ELK4: variants seen among roughly 807,000 people sequenced by gnomAD.
ELK4 encodes the protein ETS domain-containing protein Elk-4.
A neutral mutation model predicts 29.6 loss-of-function variants in ELK4; 16 were observed. The observed-to-expected ratio is 0.54, with a 90% CI of 0.37 to 0.82. The LOEUF is 0.82. Ranked by LOEUF, ELK4 falls within the 40% of genes least tolerant of loss-of-function variation. The pLI is 0.00. For missense variants in ELK4, 465 were observed against 507.1 expected (o/e 0.92, Z 0.80); for synonymous variants, 213 against 191.1 (o/e 1.11, Z -0.95).
rs1670151650 is a variant in ELK4 at position 205,611,594 on chromosome 1, C to T, written c.*4952G>A. On this transcript the variant is annotated 3_prime_UTR_variant, in exon 5 of 5. Coordinates refer to ENST00000357992, the MANE Select transcript of ELK4 (RefSeq NM_001973.4). ...AAGAAAGACAACTATGGCTGACCTC[C>T]ACACTTCACTTACACTACTATGGAC... is the stretch of plus-strand genomic sequence containing the variant. 4.9e-6 allele frequency: 1 copy of T among 203,092 alleles called. No homozygotes were observed. The highest frequency in any genetic ancestry group is 6.0e-5 in the Admixed American group (1 of 16,722). 12.6% of individuals were successfully genotyped at this position (203,092 alleles called of 1,614,324 possible).
chr1:205,611,694 G>A lies in ELK4; in HGVS notation c.*4852C>T, dbSNP rs1487858196. On this transcript the variant is annotated 3_prime_UTR_variant, in exon 5 of 5. Transcript: ENST00000357992. ...AGCTTCAGATGACACACTACATCATGAGTAGTATTTTAACTTTCCTATTGG... is the reference window on the plus strand; with the variant it reads ...AGCTTCAGATGACACACTACATCATAAGTAGTATTTTAACTTTCCTATTGG... 5.2e-6 allele frequency: 1 copy of A among 191,972 alleles called. No individual in the cohort carries two copies. Among genetic ancestry groups the A allele is most frequent in the Non-Finnish European group, 1.1e-5 (1 of 91,792 alleles). 11.9% of individuals were successfully genotyped at this position (191,972 alleles called of 1,614,324 possible). A position where few individuals can be genotyped will look rare whatever the true frequency, so the allele number is the denominator to read the frequency against.
chr1:205,614,856 G>T lies in ELK4; in HGVS notation c.*1690C>A. On this transcript the variant is annotated 3_prime_UTR_variant, in exon 5 of 5. Coordinates refer to ENST00000357992, the MANE Select transcript of ELK4 (RefSeq NM_001973.4). ...TGGGAGAGATTGGTGGGGGAGGGTG[G>T]TAGTGGTGGTGAATGGTGACAACAT... 1 of 226,628 alleles carries T rather than the reference G, an allele frequency of 4.4e-6. No individual in the cohort carries two copies. The highest frequency in any genetic ancestry group is 8.8e-6 in the Non-Finnish European group (1 of 113,888). 14.0% of individuals were successfully genotyped at this position (226,628 alleles called of 1,614,324 possible). A position where few individuals can be genotyped will look rare whatever the true frequency, so the allele number is the denominator to read the frequency against.
chr1:205,625,438 C>T lies in ELK4; in HGVS notation c.-9-1547G>A. On this transcript the variant is annotated intron_variant, in intron 1 of 4. Transcript: ENST00000357992. Reference sequence around the variant, plus strand: ...CACTGCCACCCACCTCCCGGCTCCCCCAGGTTCCTTCAGCCCAGCCTAGTT... The same window carrying T: ...CACTGCCACCCACCTCCCGGCTCCCTCAGGTTCCTTCAGCCCAGCCTAGTT... The T allele has an allele frequency of 3.5e-6, 2 of 572,540 alleles. 1 individual carries two copies. Among genetic ancestry groups the T allele is most frequent in the Non-Finnish European group, 6.4e-6 (2 of 311,076 alleles). The allele number at this position is 572,540 out of a possible 1,614,324, so 35.5% of individuals were successfully genotyped here.
Position 205,620,563 on chromosome 1 carries a change from CTTTACA to C in ELK4, c.477_482del (p.Asn159_Val160del). On this transcript the variant is annotated inframe_deletion, in exon 3 of 5. Transcript: ENST00000357992. ...TCTCAGTCTTTATCAATTTGAAAAG[CTTTACA>C]TTGGAGGAGTTCAAAGAGTTGAGAG... is the stretch of plus-strand genomic sequence containing the variant. The C allele has an allele frequency of 6.2e-7, 1 of 1,614,090 alleles. No homozygotes were observed. Among genetic ancestry groups the C allele is most frequent in the Non-Finnish European group, 8.5e-7 (1 of 1,180,030 alleles).
At chr1:205,623,993 T>TC in intron 1 of ELK4, 102 bp from the exon 2 acceptor site, 2 of 1,039,380 alleles carry the variant, frequency 1.9e-6, no homozygotes, top group Admixed American at 2.2e-5. Context: ...TATTAATTCA[T>TC]CCCCACATTT....
At chr1:205,619,720 T>A (rs375083380) in intron 3 of ELK4, 61 of 1,444,870 alleles carry the variant, frequency 4.2e-5, no homozygotes, top group Non-Finnish European at 5.4e-5. Flanking sequence ...TAGGAGGAAA[T>A]AGAAAAATCA....
Position 205,615,081 on chromosome 1 carries a change from A to G in ELK4, c.*1465T>C, listed in dbSNP as rs1187504909. 5.3e-6 allele frequency: 1 copy of G among 189,018 alleles called. No individual in the cohort carries two copies. Among genetic ancestry groups the G allele is most frequent in the African/African-American group, 2.3e-5 (1 of 42,592 alleles). 11.7% of individuals were successfully genotyped at this position (189,018 alleles called of 1,614,324 possible). A position where few individuals can be genotyped will look rare whatever the true frequency, so the allele number is the denominator to read the frequency against. On this transcript the variant is annotated 3_prime_UTR_variant, in exon 5 of 5. Coordinates refer to ENST00000357992, the MANE Select transcript of ELK4 (RefSeq NM_001973.4). Reference sequence around the variant, plus strand: ...AATCCCTATGTATAAGCATTCCCAAATGAACTCTGCTCTTCCCCATTTAAA... The same window carrying G: ...AATCCCTATGTATAAGCATTCCCAAGTGAACTCTGCTCTTCCCCATTTAAA...
chr1:205,618,404 T>C (rs1324509286), intron 4 of ELK4, among the ~76,000 whole-genome samples: 4 of 152,130 alleles, frequency 2.6e-5, no homozygotes, highest in African/African-American at 9.7e-5. Flanking sequence ...CCTACAGTAT[T>C]GAACAATTCT....
intron 1 of ELK4, among the ~76,000 whole-genome samples, chr1:205,624,810 T>C (rs1268078606): frequency 6.6e-6 from 1 of 152,062 alleles, no homozygotes; most frequent in Admixed American, 6.5e-5. Context: ...ATCAAAAATA[T>C]CTCCAGACAC....
At position 205,618,083 on chromosome 1, in the gene ELK4, C is replaced by T. The variant is rs76895267; in HGVS notation, c.1197+874G>A. Among the ~76,000 whole-genome samples the T allele has an allele frequency of 5.2e-3, 787 of 151,890 alleles. 16 individuals are homozygous for T. The highest frequency in any genetic ancestry group is 0.018 in the African/African-American group (747 of 41,416). ...CTGTGTCACCCAGGCCGGAGTGCAG[C>T]GGTGCCATTATAGCTCACTGCAGCC... On this transcript the variant is annotated intron_variant, in intron 4 of 4. Transcript: ENST00000357992.
At position 205,616,119 on chromosome 1, in the gene ELK4, A is replaced by G; in HGVS notation, c.*427T>C. 1 of 239,594 alleles carries G rather than the reference A, an allele frequency of 4.2e-6. No individual in the cohort carries two copies. Among genetic ancestry groups the G allele is most frequent in the Non-Finnish European group, 8.3e-6 (1 of 120,558 alleles). 14.8% of individuals were successfully genotyped at this position (239,594 alleles called of 1,614,324 possible). ...CTAAAGATGCCAATTCATTTCACAAATATTTCTTTAAATAATAGATTCTAA... is the reference window on the plus strand; with the variant it reads ...CTAAAGATGCCAATTCATTTCACAAGTATTTCTTTAAATAATAGATTCTAA... On this transcript the variant is annotated 3_prime_UTR_variant, in exon 5 of 5. Transcript: ENST00000357992.
chr1:205,622,072 G>A (rs1235583733), intron 2 of ELK4, among the ~76,000 whole-genome samples: 1 of 151,986 alleles, frequency 6.6e-6, no homozygotes, highest in Non-Finnish European at 1.5e-5. Flanking sequence ...AAATTAGCCA[G>A]GTGTGGTGGT....
chr1:205,615,663 T>A lies in ELK4; in HGVS notation c.*883A>T, dbSNP rs994789413. 1.5e-5 allele frequency: 3 copies of A among 205,888 alleles called. No individual in the cohort carries two copies. The highest frequency in any genetic ancestry group is 3.0e-5 in the Non-Finnish European group (3 of 100,798). 12.8% of individuals were successfully genotyped at this position (205,888 alleles called of 1,614,324 possible). The stretch of plus-strand genomic sequence containing the variant: ...GATCGAATCTTTTACTCAGAGATGT[T>A]TCAAATATTCAAAATCCAAGTTCAT... On this transcript the variant is annotated 3_prime_UTR_variant, in exon 5 of 5. Transcript: ENST00000357992.
intron 1 of ELK4, among the ~76,000 whole-genome samples, chr1:205,624,924 C>T (rs1023099997): frequency 1.3e-5 from 2 of 152,138 alleles, no homozygotes; most frequent in African/African-American, 4.8e-5. Flanking sequence ...TTTCCTCATA[C>T]AATTTCAAAA....
rs141081306 is a variant in ELK4 at position 205,610,747 on chromosome 1, T to A, written c.*5799A>T. The A allele has an allele frequency of 2.6e-4, 60 of 232,064 alleles. No homozygotes were observed. In the East Asian group the frequency reaches 3.6e-3, roughly 14 times the overall value. 14.4% of individuals were successfully genotyped at this position (232,064 alleles called of 1,614,324 possible). ...AAATAGACTAGGAGCCATCAATGTA[T>A]GTTCCCTATGAAAACAGATTTACAC... is the stretch of plus-strand genomic sequence containing the variant. On this transcript the variant is annotated 3_prime_UTR_variant, in exon 5 of 5. Transcript: ENST00000357992.
intron 1 of ELK4, among the ~76,000 whole-genome samples, chr1:205,629,449 G>A (rs1670533082): frequency 6.6e-6 from 1 of 152,152 alleles, no homozygotes; most frequent in Non-Finnish European, 1.5e-5. Context: ...GAGCTGGCCG[G>A]GCACAGTGGC....
chr1:205,613,145 T>A lies in ELK4; in HGVS notation c.*3401A>T. ...AAAGTATGCCATGAGCAATATAACA[T>A]CACAAACGTACTGTGACAAACCATT... On this transcript the variant is annotated 3_prime_UTR_variant, in exon 5 of 5. Transcript: ENST00000357992. The A allele has an allele frequency of 5.1e-6, 1 of 195,124 alleles. No homozygotes were observed. The allele number at this position is 195,124 out of a possible 1,614,324, so 12.1% of individuals were successfully genotyped here.
In ELK4 at chr1:205,621,193, T is replaced by TAA. The variant is rs61338827; in HGVS notation, c.208-357_208-356dup. Among the ~76,000 whole-genome samples, 296 of 77,448 alleles carry TAA rather than the reference T, an allele frequency of 3.8e-3. 8 individuals carry two copies. The highest frequency in any genetic ancestry group is 9.6e-3 in the Middle Eastern group (1 of 104). 50.8% of individuals were successfully genotyped at this position (77,448 alleles called of 152,430 possible). ...CTGGTGACAGAGCAAGAGTCTGTCTTAAAAAAAAAAAAAAAAAAAAAAAAA... is the reference window on the plus strand; with the variant it reads ...CTGGTGACAGAGCAAGAGTCTGTCTTAAAAAAAAAAAAAAAAAAAAAAAAAAA... On this transcript the variant is annotated intron_variant, in intron 2 of 4. Coordinates refer to ENST00000357992, the MANE Select transcript of ELK4 (RefSeq NM_001973.4).
intron 1 of ELK4, among the ~76,000 whole-genome samples, chr1:205,629,006 C>G (rs945721033): frequency 1.3e-5 from 2 of 151,868 alleles, no homozygotes; most frequent in African/African-American, 4.8e-5. Context: ...ACCCCCGTGT[C>G]TATTAAAAAT....
Sources: allele counts gnomAD v4.1 joint callset (sites outside exome capture counted in the v4.1 genomes callset), GRCh38; gene constraint gnomAD v4.1.1; transcripts MANE v1.5; gene names NCBI Gene and HGNC (gene_info 2026-07-23, HGNC 2026-07-21).